NHS: variants seen among roughly 807,000 people sequenced by gnomAD.
NHS encodes NHS actin remodeling regulator.
Under a neutral mutation model 72.5 loss-of-function variants are expected in NHS, and 5 were observed. The ratio of observed to expected loss-of-function variants is 0.07; its 90% CI spans 0.04 to 0.14. The LOEUF (loss-of-function observed/expected upper bound fraction) is 0.14, where lower values mean the gene tolerates loss of function less well. NHS is among the 10% of genes least tolerant of loss of function. The probability of loss-of-function intolerance (pLI) is 1.00; values close to 1 mark genes in which losing one functional copy is unlikely to be tolerated. For synonymous variants in NHS, 464 were observed against 547.7 expected (o/e 0.85, Z 2.13); for missense variants, 1,072 against 1,355.7 (o/e 0.79, Z 3.29).
chrX:17,512,413 A>G (rs977973820), intron 1 of NHS, among the ~76,000 whole-genome samples: 1 of 112,353 alleles, frequency 8.9e-6, no homozygotes, highest in African/African-American at 3.2e-5. Context: ...GGAAGTGGTC[A>G]TTGGAAGAGT....
chrX:17,564,344 A>G (rs142161251), intron 1 of NHS, among the ~76,000 whole-genome samples: 1,414 of 112,077 alleles, frequency 0.013, 17 homozygotes, highest in Non-Finnish European at 0.022. Flanking sequence ...TGCCAGTTGC[A>G]CTGTTCCCTA....
chrX:17,378,097 C>G (rs973795512), intron 1 of NHS, among the ~76,000 whole-genome samples: 1 of 91,500 alleles, frequency 1.1e-5, no homozygotes, highest in Non-Finnish European at 2.0e-5. Context: ...AGACACACCT[C>G]TCCTTAAGTT....
chrX:17,507,155 A>G (rs1245078465), intron 1 of NHS, among the ~76,000 whole-genome samples: 1 of 112,690 alleles, frequency 8.9e-6, no homozygotes, highest in Non-Finnish European at 1.9e-5. Context: ...GTAGCCAACA[A>G]ACAAAAACAG....
Position 17,731,944 on chromosome X carries a change from G to A in NHS, c.4436G>A (p.Ser1479Asn), listed in dbSNP as rs145200841. ...AGAGCTCCCCTCAGCAGTAGCAGCA[G>A]CAGCGCCAGTTCCATCACTTCACCC... ...KSRAPLSSSS[S>N]SASSITSPSS... is the part of the protein sequence containing the mutation. Residue 1479 changes from serine (S) to asparagine (N), a missense_variant, in exon 9 of 9, where the codon AGC (serine) becomes AAC (asparagine). Ser to Asn is a conservative substitution (Grantham distance 46). Coordinates refer to ENST00000676302, the MANE Select transcript of NHS (RefSeq NM_001291867.2). The A allele has an allele frequency of 9.3e-5, 112 of 1,209,692 alleles. No individual in the cohort carries two copies. In the African/African-American group the frequency reaches 1.6e-3, roughly 17 times the overall value.
At chrX:17,395,009 TTGTC>T (rs1241480637) in intron 1 of NHS, among the ~76,000 whole-genome samples, 1 of 110,575 alleles carries the variant, frequency 9.0e-6, no homozygotes, top group Non-Finnish European at 1.9e-5. Context: ...TGTTAAAAAA[TTGTC>T]TGGTCTTGGA....
intron 1 of NHS, among the ~76,000 whole-genome samples, chrX:17,500,145 A>G (rs1053587261): frequency 8.9e-6 from 1 of 112,223 alleles, no homozygotes; most frequent in African/African-American, 3.2e-5. Context: ...TGTTATGTTG[A>G]GAAGCATTCT....
chrX:17,611,714 C>T (rs2065712120), intron 1 of NHS, among the ~76,000 whole-genome samples: 1 of 110,924 alleles, frequency 9.0e-6, no homozygotes, highest in Admixed American at 9.6e-5. Context: ...ATTATCCACA[C>T]TCAGGTACTC....
chrX:17,679,321 C>G (rs1452506639), intron 1 of NHS, among the ~76,000 whole-genome samples: 2 of 111,580 alleles, frequency 1.8e-5, no homozygotes, highest in African/African-American at 6.5e-5. Flanking sequence ...GGTGCAAAAC[C>G]CCACTTGAGC....
Position 17,521,366 on chromosome X carries a change from C to CT in NHS, c.565+145057dup, listed in dbSNP as rs766662277. Among the ~76,000 whole-genome samples, 832 of 97,269 alleles carry CT rather than the reference C, an allele frequency of 8.6e-3. 45 individuals are homozygous for CT. The highest frequency in any genetic ancestry group is 0.028 in the African/African-American group (652 of 23,153). The allele number at this position is 97,269 out of a possible 115,157, so 84.5% of individuals were successfully genotyped here. A position where few individuals can be genotyped will look rare whatever the true frequency, so the allele number is the denominator to read the frequency against. On this transcript the variant is annotated intron_variant, in intron 1 of 8. Transcript: ENST00000676302. ...AGTTCTACCTTTTTCTCCCTTCCCT[C>CT]TTTTTTTTTTTTTGAGACAGGGTCT... is the stretch of plus-strand genomic sequence containing the variant.
At chrX:17,439,868 G>A (rs747179392) in intron 1 of NHS, among the ~76,000 whole-genome samples, 1 of 112,205 alleles carries the variant, frequency 8.9e-6, no homozygotes, top group Non-Finnish European at 1.9e-5. Flanking sequence ...AACGGCTTTG[G>A]AAAATGTCAG....
intron 1 of NHS, among the ~76,000 whole-genome samples, chrX:17,613,017 CT>C (rs10576021): frequency 0.042 from 4,348 of 102,507 alleles, 111 homozygotes; most frequent in Non-Finnish European, 0.066. Context: ...GTTTTCATCA[CT>C]TTTTTTTTTT....
chrX:17,554,294 G>A (rs2065354207), intron 1 of NHS, among the ~76,000 whole-genome samples: 1 of 112,333 alleles, frequency 8.9e-6, no homozygotes, highest in Non-Finnish European at 1.9e-5. Flanking sequence ...AAGTGTCAGG[G>A]TGGAGTTCCT....
intron 1 of NHS, among the ~76,000 whole-genome samples, chrX:17,447,242 G>A (rs907722978): frequency 9.0e-6 from 1 of 111,713 alleles, no homozygotes; most frequent in Non-Finnish European, 1.9e-5. Flanking sequence ...TTACCTTTAG[G>A]GTAGGGATTA....
chrX:17,592,578 G>A (rs749342022), intron 1 of NHS, among the ~76,000 whole-genome samples: 7 of 112,087 alleles, frequency 6.2e-5, no homozygotes, highest in Non-Finnish European at 1.3e-4. Context: ...TGGCACCTTC[G>A]AACTTTGCCT....
intron 1 of NHS, among the ~76,000 whole-genome samples, chrX:17,392,065 A>G (rs894832597): frequency 2.7e-5 from 3 of 111,564 alleles, no homozygotes; most frequent in African/African-American, 9.8e-5. Context: ...CAACTTTGTG[A>G]CAGAGTTCTG....
chrX:17,466,439 T>G (rs1569260444), intron 1 of NHS, among the ~76,000 whole-genome samples: 1 of 112,599 alleles, frequency 8.9e-6, no homozygotes, highest in Non-Finnish European at 1.9e-5. Flanking sequence ...AATTAGTGGC[T>G]GATCAATAAA....
intron 1 of NHS, among the ~76,000 whole-genome samples, chrX:17,673,151 T>C (rs1361227107): frequency 9.5e-6 from 1 of 105,592 alleles, no homozygotes; most frequent in Admixed American, 1.0e-4. Flanking sequence ...GTCAGTGTTC[T>C]AGACCATTGC....
chrX:17,509,730 G>C (rs2065077653), intron 1 of NHS, among the ~76,000 whole-genome samples: 3 of 112,083 alleles, frequency 2.7e-5, no homozygotes, highest in Admixed American at 1.9e-4. Flanking sequence ...AGACAATCCA[G>C]GGCCTATACT....
intron 1 of NHS, among the ~76,000 whole-genome samples, chrX:17,539,821 A>G (rs1399453963): frequency 8.9e-6 from 1 of 111,885 alleles, no homozygotes; most frequent in East Asian, 2.8e-4. Flanking sequence ...GCAGGGTCAC[A>G]TGACTAGTTC....
Sources: gnomAD v4.1 joint callset for allele counts (sites outside exome capture counted in the v4.1 genomes callset) on GRCh38, gnomAD v4.1.1 for gene constraint, MANE v1.5 for transcripts, NCBI Gene and HGNC (gene_info 2026-07-23, HGNC 2026-07-21) for gene names.